Variants in FSIP1 observed in about 807,000 individuals in gnomAD.
FSIP1 encodes the protein fibrous sheath-interacting protein 1.
A neutral mutation model predicts 60.9 loss-of-function variants in FSIP1; 65 were observed. The ratio of observed to expected loss-of-function variants is 1.07; its 90% CI spans 0.87 to 1.31. FSIP1 has a LOEUF of 1.31. Among genes scored for constraint, FSIP1 ranks in the 40% most tolerant of loss-of-function variants. The probability of loss-of-function intolerance (pLI) is 0.00; values close to 1 mark genes in which losing one functional copy is unlikely to be tolerated. For missense variants in FSIP1, 675 were observed against 665.5 expected (o/e 1.01, Z -0.16); for synonymous variants, 209 against 221.2 (o/e 0.94, Z 0.49).
At chr15:39,775,943 C>G (rs575107863) in intron 2 of FSIP1, among the ~76,000 whole-genome samples, 1 of 151,450 alleles carries the variant, frequency 6.6e-6, no homozygotes, top group Non-Finnish European at 1.5e-5. Flanking sequence ...CTTTACCAAA[C>G]GGTTTTTTTA....
At chr15:39,770,637 G>C (rs7179838) in intron 2 of FSIP1, 27 bp from the exon 3 acceptor site, 1 of 1,385,878 alleles carries the variant, frequency 7.2e-7, no homozygotes. Context: ...AAAAAAAACA[G>C]TTTCCGAAAA....
intron 10 of FSIP1, among the ~76,000 whole-genome samples, chr15:39,681,496 T>C (rs1166668355): frequency 1.3e-5 from 2 of 152,168 alleles, no homozygotes; most frequent in African/African-American, 4.8e-5. Context: ...GAGAATGCAA[T>C]TGTAAGTTAT....
chr15:39,711,475 A>G (rs967079007), intron 10 of FSIP1, among the ~76,000 whole-genome samples: 2 of 152,196 alleles, frequency 1.3e-5, no homozygotes, highest in African/African-American at 4.8e-5. Flanking sequence ...CAGCAGTCAG[A>G]AATCAGGAGA....
At chr15:39,751,465 C>G (rs1346821131) in intron 5 of FSIP1, among the ~76,000 whole-genome samples, 1 of 141,864 alleles carries the variant, frequency 7.0e-6, no homozygotes, top group Non-Finnish European at 1.6e-5. Flanking sequence ...AGGAATATTA[C>G]TCAGCCTTAA....
At chr15:39,704,650 A>G (rs1895192378) in intron 10 of FSIP1, among the ~76,000 whole-genome samples, 1 of 152,224 alleles carries the variant, frequency 6.6e-6, no homozygotes, top group South Asian at 2.1e-4. Flanking sequence ...AACTGGCCCA[A>G]TGACCTCCAA....
chr15:39,680,394 T>C (rs1286271824), intron 10 of FSIP1, among the ~76,000 whole-genome samples: 2 of 152,344 alleles, frequency 1.3e-5, no homozygotes, highest in East Asian at 1.9e-4. Context: ...TCTTTTGACA[T>C]GGTATCATAA....
chr15:39,675,499 T>G (rs944851544), intron 10 of FSIP1, among the ~76,000 whole-genome samples: 1 of 152,204 alleles, frequency 6.6e-6, no homozygotes, highest in Non-Finnish European at 1.5e-5. Flanking sequence ...CACTATGGAA[T>G]GTTATACAGT....
chr15:39,708,558 G>T (rs186163329), intron 10 of FSIP1, among the ~76,000 whole-genome samples: 17 of 152,118 alleles, frequency 1.1e-4, no homozygotes, highest in Non-Finnish European at 2.1e-4. Flanking sequence ...TACCATCTGT[G>T]ATTTTTCTAC....
At chr15:39,698,981 G>A (rs1379800753) in intron 10 of FSIP1, among the ~76,000 whole-genome samples, 1 of 152,162 alleles carries the variant, frequency 6.6e-6, no homozygotes, top group African/African-American at 2.4e-5. Context: ...GCTTTATGAT[G>A]GGACAACTGC....
chr15:39,612,510 G>T (rs566235314), intron 11 of FSIP1, among the ~76,000 whole-genome samples: 4 of 151,880 alleles, frequency 2.6e-5, no homozygotes, highest in African/African-American at 4.8e-5. Context: ...TTCTAAGTGG[G>T]AAATATAAAA....
chr15:39,739,716 C>G lies in FSIP1; in HGVS notation c.729G>C (p.Lys243Asn). The G allele has an allele frequency of 6.2e-7, 1 of 1,602,512 alleles. No homozygotes were observed. The highest frequency in any genetic ancestry group is 8.5e-7 in the Non-Finnish European group (1 of 1,176,764). ...GGTTGTGTTTACCCCTGAGCTCAATCTTTTCTGTATTCGAGAAAGGTTTCT... is the reference window on the plus strand; with the variant it reads ...GGTTGTGTTTACCCCTGAGCTCAATGTTTTCTGTATTCGAGAAAGGTTTCT... Reference protein sequence around the residue: ...SGKKPFSNTEKIELRGKHNQD... With the variant: ...SGKKPFSNTENIELRGKHNQD... The change falls in exon 7 of 12, where the codon AAG (lysine) becomes AAC (asparagine). Residue 243 changes from lysine (K) to asparagine (N), a missense_variant. Transcript: ENST00000350221.
chr15:39,723,689 G>A (rs1028096992), intron 9 of FSIP1, among the ~76,000 whole-genome samples: 1 of 152,214 alleles, frequency 6.6e-6, no homozygotes, highest in African/African-American at 2.4e-5. Flanking sequence ...TAAGGAGTAT[G>A]GAGAAAAATT....
chr15:39,753,575 A>G (rs886586397), intron 5 of FSIP1, among the ~76,000 whole-genome samples: 2 of 152,154 alleles, frequency 1.3e-5, no homozygotes, highest in Non-Finnish European at 2.9e-5. Context: ...CTCATTTGGT[A>G]TTTAAATCCA....
At chr15:39,677,501 T>C (rs1285032992) in intron 10 of FSIP1, among the ~76,000 whole-genome samples, 3 of 152,338 alleles carry the variant, frequency 2.0e-5, no homozygotes, top group South Asian at 2.1e-4. Flanking sequence ...TGGTATTATA[T>C]ACCAAGCACT....
intron 9 of FSIP1, among the ~76,000 whole-genome samples, chr15:39,716,790 C>T: frequency 6.8e-6 from 1 of 147,566 alleles, no homozygotes; most frequent in East Asian, 2.0e-4. Context: ...AAGGTACAAC[C>T]ACTTTGAAAA....
intron 10 of FSIP1, among the ~76,000 whole-genome samples, chr15:39,646,469 A>G (rs1054665136): frequency 1.5e-5 from 2 of 131,976 alleles, no homozygotes; most frequent in African/African-American, 5.6e-5. Flanking sequence ...GGATTGCTTG[A>G]GGCCAGGAGT....
At chr15:39,604,778 T>C (rs898856219) in intron 11 of FSIP1, among the ~76,000 whole-genome samples, 1 of 152,192 alleles carries the variant, frequency 6.6e-6, no homozygotes, top group Non-Finnish European at 1.5e-5. Context: ...ACACCCTGTT[T>C]GAGACAAACA....
intron 8 of FSIP1, among the ~76,000 whole-genome samples, chr15:39,735,962 T>C (rs1433478031): frequency 6.6e-6 from 1 of 152,226 alleles, no homozygotes; most frequent in Non-Finnish European, 1.5e-5. Flanking sequence ...GTAACACGCA[T>C]GGAGCTGTCA....
At chr15:39,765,560 T>C (rs759462965) in intron 4 of FSIP1, 32 bp downstream of exon 4, 5 of 1,508,960 alleles carry the variant, frequency 3.3e-6, no homozygotes, top group Non-Finnish European at 4.5e-6. Flanking sequence ...ATTTATTTCT[T>C]ACATGTCAGC....
Sources: allele counts gnomAD v4.1 joint callset (sites outside exome capture counted in the v4.1 genomes callset), GRCh38; gene constraint gnomAD v4.1.1; transcripts MANE v1.5; gene names NCBI Gene and HGNC (gene_info 2026-07-23, HGNC 2026-07-21).